The following TMEM132C variants were observed in gnomAD, a reference collection of about 807,000 sequenced individuals.
TMEM132C encodes the protein transmembrane protein 132C, also known as protein phosphatase 1, regulatory subunit 152.
TMEM132C carries 29 observed loss-of-function variants against 61.4 expected under a neutral mutation model. The ratio of observed to expected loss-of-function variants is 0.47; its 90% confidence interval spans 0.35 to 0.64. The LOEUF (loss-of-function observed/expected upper bound fraction) is 0.64. TMEM132C is among the 30% of genes least tolerant of loss of function. The pLI is 0.00. For missense variants in TMEM132C, 1,408 were observed against 1,476.9 expected, an observed-to-expected ratio of 0.95 and a Z score of 0.76; for synonymous variants, 656 against 633.1, an observed-to-expected ratio of 1.04 and a Z score of -0.54.
chr12:128,494,361 A>T (rs1177829386), intron 2 of TMEM132C, among the ~76,000 whole-genome samples: 1 of 152,166 alleles, frequency 6.6e-6, no homozygotes, highest in African/African-American at 2.4e-5. Context: ...TGCTGGCCTC[A>T]AAAATGAGTT....
rs1463588375 is a variant in TMEM132C at position 128,622,352 on chromosome 12, AAAAAAAAAATATATATATATATAT to A, written c.1305+6019_1305+6042del. ...GAGTGAGACTTTGTCTCAAAAAAAA[AAAAAAAAAATATATATATATATAT>A]ATATATATATATATATATATATATA... On this transcript the variant is annotated intron_variant, in intron 4 of 8. Transcript: ENST00000435159. Among the ~76,000 whole-genome samples the A allele has an allele frequency of 7.4e-3, 477 of 64,648 alleles. 21 individuals are homozygous for A. Among genetic ancestry groups the A allele is most frequent in the African/African-American group, 0.034 (458 of 13,508 alleles). The allele number at this position is 64,648 out of a possible 152,430, so 42.4% of individuals were successfully genotyped here.
chr12:128,350,614 T>G (rs1593020888), intron 1 of TMEM132C, among the ~76,000 whole-genome samples: 1 of 149,442 alleles, frequency 6.7e-6, no homozygotes, highest in African/African-American at 2.5e-5. Context: ...GGGAAAGGGG[T>G]GGGGGATGCA....
chr12:128,274,943 A>G (rs1054863974), intron 1 of TMEM132C, among the ~76,000 whole-genome samples: 1 of 152,208 alleles, frequency 6.6e-6, no homozygotes, highest in Non-Finnish European at 1.5e-5. Context: ...CTAGAAAGGT[A>G]TAAGACAGCC....
chr12:128,605,344 G>A (rs1293652338), intron 3 of TMEM132C, among the ~76,000 whole-genome samples: 1 of 152,146 alleles, frequency 6.6e-6, no homozygotes, highest in African/African-American at 2.4e-5. Flanking sequence ...AATCAGACAG[G>A]AGGAATTCCC....
intron 2 of TMEM132C, among the ~76,000 whole-genome samples, chr12:128,424,707 C>T (rs1177295561): frequency 6.6e-6 from 1 of 152,174 alleles, no homozygotes; most frequent in Non-Finnish European, 1.5e-5. Flanking sequence ...GTATACTTGA[C>T]AAAGTGATAT....
At chr12:128,316,237 G>A (rs1162197930) in intron 1 of TMEM132C, among the ~76,000 whole-genome samples, 1 of 152,102 alleles carries the variant, frequency 6.6e-6, no homozygotes. Flanking sequence ...AACCCCCAGG[G>A]ACCTTGCTGG....
At chr12:128,566,400 CTT>C (rs999659335) in intron 3 of TMEM132C, among the ~76,000 whole-genome samples, 1 of 152,036 alleles carries the variant, frequency 6.6e-6, no homozygotes, top group African/African-American at 2.4e-5. Flanking sequence ...AACCTATTGA[CTT>C]TTTGGACCTG....
intron 1 of TMEM132C, among the ~76,000 whole-genome samples, chr12:128,356,123 T>C (rs578215059): frequency 6.6e-6 from 1 of 152,324 alleles, no homozygotes; most frequent in South Asian, 2.1e-4. Flanking sequence ...TGAACACCCT[T>C]AGGGTTTGGA....
intron 4 of TMEM132C, among the ~76,000 whole-genome samples, chr12:128,625,738 A>C (rs576561390): frequency 6.6e-6 from 1 of 152,368 alleles, no homozygotes; most frequent in Admixed American, 6.5e-5. Context: ...ACTACAATTC[A>C]AGATGAGATT....
At chr12:128,291,345 C>T (rs1415063297) in intron 1 of TMEM132C, among the ~76,000 whole-genome samples, 2 of 152,180 alleles carry the variant, frequency 1.3e-5, no homozygotes, top group Non-Finnish European at 2.9e-5. Flanking sequence ...CGCTAGATGC[C>T]AGCAGCATCC....
chr12:128,334,008 G>T (rs530225412), intron 1 of TMEM132C, among the ~76,000 whole-genome samples: 9 of 151,982 alleles, frequency 5.9e-5, no homozygotes, highest in Non-Finnish European at 8.8e-5. Flanking sequence ...GCATGTGACT[G>T]TGTGACCAGG....
intron 2 of TMEM132C, among the ~76,000 whole-genome samples, chr12:128,493,885 T>C (rs917227732): frequency 6.6e-6 from 1 of 152,200 alleles, no homozygotes; most frequent in South Asian, 2.1e-4. Context: ...TCCAACACTA[T>C]GTTGAATAGG....
intron 3 of TMEM132C, among the ~76,000 whole-genome samples, chr12:128,589,559 C>T (rs1047763331): frequency 4.9e-5 from 7 of 143,838 alleles, no homozygotes; most frequent in Admixed American, 2.1e-4. Flanking sequence ...AGCGTCGTGA[C>T]GCATCGTATA....
At chr12:128,299,216 C>T (rs1472026701) in intron 1 of TMEM132C, among the ~76,000 whole-genome samples, 1 of 152,172 alleles carries the variant, frequency 6.6e-6, no homozygotes, top group Non-Finnish European at 1.5e-5. Flanking sequence ...GACTCACTGT[C>T]CCAGGGGCTC....
At chr12:128,576,361 A>G (rs1479605035) in intron 3 of TMEM132C, among the ~76,000 whole-genome samples, 1 of 152,110 alleles carries the variant, frequency 6.6e-6, no homozygotes, top group Admixed American at 6.5e-5. Context: ...TGAAACAGAA[A>G]AGAGCAAACC....
intron 4 of TMEM132C, among the ~76,000 whole-genome samples, chr12:128,637,553 G>C (rs752030886): frequency 2.0e-5 from 3 of 152,176 alleles, no homozygotes; most frequent in Non-Finnish European, 2.9e-5. Flanking sequence ...TGTTTTTGCT[G>C]TTCTCTTTTT....
At chr12:128,405,582 C>T (rs923153987) in intron 1 of TMEM132C, among the ~76,000 whole-genome samples, 3 of 152,192 alleles carry the variant, frequency 2.0e-5, no homozygotes, top group South Asian at 2.1e-4. Flanking sequence ...CCCTGCTTAA[C>T]AAAGAAATGG....
intron 5 of TMEM132C, among the ~76,000 whole-genome samples, chr12:128,691,608 C>T (rs1470016910): frequency 6.6e-6 from 1 of 152,264 alleles, no homozygotes. Context: ...ATCTGTTCAG[C>T]TGTCTATCAA....
At chr12:128,369,383 C>T (rs2102851) in intron 1 of TMEM132C, among the ~76,000 whole-genome samples, 3 of 152,086 alleles carry the variant, frequency 2.0e-5, no homozygotes, top group East Asian at 1.9e-4. Flanking sequence ...ATGAAAACAT[C>T]GATACAATGT....
Sources: allele counts gnomAD v4.1 joint callset (sites outside exome capture counted in the v4.1 genomes callset), GRCh38; gene constraint gnomAD v4.1.1; transcripts MANE v1.5; gene names NCBI Gene and HGNC (gene_info 2026-07-23, HGNC 2026-07-21).